The following RBM6 variants were observed in gnomAD, a reference collection of about 807,000 sequenced individuals.
RBM6 encodes RNA-binding protein 6.
In RBM6, 23 loss-of-function variants were observed where a neutral mutation model predicts 140.4. That is an observed-to-expected ratio of 0.16 (90% CI 0.12 to 0.23). The LOEUF is 0.23. RBM6 is among the 10% of genes least tolerant of loss of function. The pLI is 1.00. For synonymous variants in RBM6, 439 were observed against 475.6 expected (o/e 0.92, Z 1.00); for missense variants, 1,139 against 1,386.7 (o/e 0.82, Z 2.84).
At chr3:50,036,789 C>CT (rs1027245158) in intron 6 of RBM6, among the ~76,000 whole-genome samples, 22 of 151,280 alleles carry the variant, frequency 1.5e-4, no homozygotes, top group Admixed American at 2.6e-4. Context: ...AGCTTCCTTT[C>CT]TTTTTTTTTG....
At chr3:49,975,892 G>T (rs1423075656) in intron 5 of RBM6, among the ~76,000 whole-genome samples, 1 of 152,122 alleles carries the variant, frequency 6.6e-6, no homozygotes, top group African/African-American at 2.4e-5. Flanking sequence ...AGACCCAGAA[G>T]AGCTTTCCCT....
chr3:49,989,137 T>C (rs996996789), intron 5 of RBM6, among the ~76,000 whole-genome samples: 2 of 152,172 alleles, frequency 1.3e-5, no homozygotes, highest in Non-Finnish European at 2.9e-5. Flanking sequence ...TAATGACTTA[T>C]CAACTGGGTT....
At chr3:49,966,147 G>T (rs1400820869) in intron 2 of RBM6, among the ~76,000 whole-genome samples, 1 of 151,772 alleles carries the variant, frequency 6.6e-6, no homozygotes, top group Admixed American at 6.6e-5. Context: ...AAAAGAGAAA[G>T]AAAAGGTTTG....
intron 1 of RBM6, among the ~76,000 whole-genome samples, chr3:49,946,003 A>G (rs2083470317): frequency 6.6e-6 from 1 of 151,876 alleles, no homozygotes; most frequent in African/African-American, 2.4e-5. Context: ...AAAAAGCTGC[A>G]TGAGGACAGA....
At chr3:50,060,753 CAAAAAAA>C (rs35467618) in intron 11 of RBM6, 196 bp from the exon 12 acceptor site, 16 of 124,860 alleles carry the variant, frequency 1.3e-4, no homozygotes, top group African/African-American at 5.4e-4. Flanking sequence ...GACTCCGTCT[CAAAAAAA>C]AAAAAAAAAA....
rs751557757 is a variant in RBM6, at chr3:50,061,459, T to C, written c.2354-3T>C. The C allele has an allele frequency of 1.3e-6, 2 of 1,590,050 alleles. No homozygotes were observed. The highest frequency in any genetic ancestry group is 3.9e-5 in the Admixed American group (2 of 51,856). On this transcript the variant is annotated splice_polypyrimidine_tract_variant and splice_region_variant and intron_variant, in intron 13 of 20. Transcript: ENST00000266022. ...ACATTGGCTCTGATCTTGTTACCTT[T>C]AGCATCATCTGACTGCTACATATAT... is the stretch of plus-strand genomic sequence containing the variant.
chr3:49,948,184 T>C (rs1406393508), intron 1 of RBM6, among the ~76,000 whole-genome samples: 1 of 152,234 alleles, frequency 6.6e-6, no homozygotes, highest in African/African-American at 2.4e-5. Flanking sequence ...TCTATCTTTA[T>C]GTCCTTACTG....
At chr3:50,010,801 G>C (rs1169406002) in intron 6 of RBM6, among the ~76,000 whole-genome samples, 1 of 147,896 alleles carries the variant, frequency 6.8e-6, no homozygotes, top group Non-Finnish European at 1.5e-5. Flanking sequence ...TACTCGGGAG[G>C]CTGAGGCAGG....
chr3:50,019,514 T>A (rs1212243171), intron 6 of RBM6, among the ~76,000 whole-genome samples: 1 of 152,186 alleles, frequency 6.6e-6, no homozygotes, highest in East Asian at 1.9e-4. Flanking sequence ...TTCCTTTTCT[T>A]CTTTTTCTTT....
chr3:49,974,272 T>G (rs1387440669), intron 4 of RBM6, among the ~76,000 whole-genome samples: 3 of 151,888 alleles, frequency 2.0e-5, no homozygotes, highest in Non-Finnish European at 4.4e-5. Context: ...CAGACTGGAG[T>G]GCAATGGCCC....
intron 4 of RBM6, among the ~76,000 whole-genome samples, chr3:49,974,600 C>T (rs2084973870): frequency 6.6e-6 from 1 of 150,970 alleles, no homozygotes; most frequent in Non-Finnish European, 1.5e-5. Context: ...TCTCAATCTC[C>T]TGACCTTGTG....
intron 4 of RBM6, among the ~76,000 whole-genome samples, chr3:49,973,232 G>A (rs1305493236): frequency 4.0e-5 from 6 of 151,770 alleles, no homozygotes; most frequent in Non-Finnish European, 7.4e-5. Flanking sequence ...GGGCTCAATC[G>A]ATCCTACCAC....
chr3:49,973,388 GA>G (rs974694046), intron 4 of RBM6, among the ~76,000 whole-genome samples: 5 of 152,024 alleles, frequency 3.3e-5, no homozygotes, highest in Non-Finnish European at 5.9e-5. Context: ...TGAATATGGG[GA>G]AATGAACTGC....
intron 1 of RBM6, among the ~76,000 whole-genome samples, chr3:49,952,522 C>T (rs138531583): frequency 0.033 from 4,849 of 144,894 alleles, 300 homozygotes; most frequent in African/African-American, 0.12. Context: ...TTTTTTGAGA[C>T]GAAGTTTTGC....
chr3:50,071,631 C>T (rs2090300096), intron 19 of RBM6, among the ~76,000 whole-genome samples: 1 of 151,982 alleles, frequency 6.6e-6, no homozygotes, highest in African/African-American at 2.4e-5. Flanking sequence ...GGAGACCCTG[C>T]CTCTATTTAA....
At chr3:50,049,081 C>T (rs1351136888) in intron 7 of RBM6, among the ~76,000 whole-genome samples, 1 of 151,400 alleles carries the variant, frequency 6.6e-6, no homozygotes, top group Non-Finnish European at 1.5e-5. Context: ...GGATTATAGG[C>T]ATGAGCCACC....
intron 6 of RBM6, among the ~76,000 whole-genome samples, chr3:50,028,913 A>G (rs2087989508): frequency 1.3e-5 from 2 of 152,060 alleles, no homozygotes; most frequent in Admixed American, 1.3e-4. Context: ...TGACCTCCTT[A>G]TTTGCTAGGC....
In RBM6 at chr3:50,068,597, A is replaced by G. The variant is rs942299789; in HGVS notation, c.2944-93A>G. 1.9e-5 allele frequency: 22 copies of G among 1,147,090 alleles called. No homozygotes were observed. In the African/African-American group the frequency reaches 3.1e-4, roughly 16 times the overall value. The allele number at this position is 1,147,090 out of a possible 1,614,324, so 71.1% of individuals were successfully genotyped here. A position where few individuals can be genotyped will look rare whatever the true frequency, so the allele number is the denominator to read the frequency against. ...GTAGATCTGATCAATCAAAAGAGCT[A>G]CAATCCAAAAGCAACTATTGGGAAA... On this transcript the variant is annotated intron_variant, in intron 17 of 20. Transcript: ENST00000266022.
At position 49,967,505 on chromosome 3, in the gene RBM6, A is replaced by G; in HGVS notation, c.80A>G (p.Asn27Ser). The G allele has an allele frequency of 6.2e-7, 1 of 1,614,114 alleles. No homozygotes were observed. Among genetic ancestry groups the G allele is most frequent in the Non-Finnish European group, 8.5e-7 (1 of 1,179,998 alleles). ...SQEERFAPGW[N>S]RDYPPPPLKS... The stretch of plus-strand genomic sequence containing the variant: ...GAAGAAAGGTTTGCTCCCGGGTGGA[A>G]CAGGGATTATCCTCCTCCTCCCCTT... The change falls in exon 3 of 21, where the codon AAC becomes AGC. Residue 27 changes from asparagine to serine, a missense_variant. Around this residue, in one of 9 missense-constraint regions of RBM6, gnomAD observed 566 missense variants for 612.7 expected, o/e 0.92. Transcript: ENST00000266022. The surrounding 1 kb of genome is among the most constrained non-coding windows in gnomAD (Gnocchi z 4.0).
Sources: gnomAD v4.1 joint callset for allele counts (sites outside exome capture counted in the v4.1 genomes callset) on GRCh38, gnomAD v4.1.1 for gene constraint, gnomAD v4.1.1 regional missense constraint, Gnocchi (gnomAD v3.1) non-coding constraint, MANE v1.5 for transcripts, NCBI Gene and HGNC (gene_info 2026-07-23, HGNC 2026-07-21) for gene names.